Variants in ATRNL1 observed in about 807,000 individuals in gnomAD.
ATRNL1 encodes the protein attractin-like protein 1.
Under a neutral mutation model 182.7 loss-of-function variants are expected in ATRNL1, and 95 were observed. The ratio of observed to expected loss-of-function variants is 0.52; its 90% CI spans 0.44 to 0.62. The LOEUF is 0.62. Ranked by LOEUF, ATRNL1 falls within the 20% of genes least tolerant of loss-of-function variation. The pLI is 0.00. For synonymous variants in ATRNL1, 576 were observed against 568.3 expected (o/e 1.01, Z -0.19); for missense variants, 1,471 against 1,679.5 (o/e 0.88, Z 2.17).
chr10:115,826,202 ATT>A (rs11304130), intron 27 of ATRNL1, among the ~76,000 whole-genome samples: 2 of 151,402 alleles, frequency 1.3e-5, no homozygotes, highest in East Asian at 2.0e-4. Context: ...ATACTATCCC[ATT>A]TTTTTTTCAA....
chr10:115,879,215 G>C (rs1200681581), intron 28 of ATRNL1, among the ~76,000 whole-genome samples: 6 of 149,736 alleles, frequency 4.0e-5, no homozygotes, highest in African/African-American at 1.5e-4. Context: ...GCTGAAGTTA[G>C]AGAATTGCTT....
chr10:115,738,940 C>G (rs1333065173), intron 27 of ATRNL1, among the ~76,000 whole-genome samples: 1 of 151,992 alleles, frequency 6.6e-6, no homozygotes, highest in Non-Finnish European at 1.5e-5. Flanking sequence ...TCAGAATTCA[C>G]TGAGTCAAAA....
intron 27 of ATRNL1, among the ~76,000 whole-genome samples, chr10:115,732,205 G>GT (rs1947819997): frequency 6.6e-6 from 1 of 152,056 alleles, no homozygotes; most frequent in South Asian, 2.1e-4. Context: ...GGATTATATC[G>GT]TAACTTTTTA....
chr10:115,485,653 G>A (rs1347378382), intron 24 of ATRNL1, among the ~76,000 whole-genome samples: 8 of 151,730 alleles, frequency 5.3e-5, no homozygotes, highest in South Asian at 4.2e-4. Context: ...ATCACCCAAC[G>A]TCTTTATTTT....
At chr10:115,329,670 C>A (rs1554934444) in intron 18 of ATRNL1, among the ~76,000 whole-genome samples, 1 of 151,854 alleles carries the variant, frequency 6.6e-6, no homozygotes, top group Non-Finnish European at 1.5e-5. Context: ...TGACTTGAAG[C>A]CTATTTTGTC....
rs564780428 is a variant in ATRNL1, at chr10:115,540,069, G to A, written c.3717-9389G>A. On this transcript the variant is annotated intron_variant, in intron 25 of 28. Coordinates refer to ENST00000355044, the MANE Select transcript of ATRNL1 (RefSeq NM_207303.4). The stretch of plus-strand genomic sequence containing the variant: ...AGTGCAGCACACCAACATGGCACAC[G>A]TATACATATGTAACAAACCTGCACA... Among the ~76,000 whole-genome samples, 818 of 151,654 alleles carry A rather than the reference G, an allele frequency of 5.4e-3. 2 individuals carry two copies. The highest frequency in any genetic ancestry group is 8.1e-3 in the Non-Finnish European group (553 of 67,912).
chr10:115,290,655 C>T (rs977319821), intron 15 of ATRNL1, among the ~76,000 whole-genome samples: 3 of 151,624 alleles, frequency 2.0e-5, no homozygotes, highest in Non-Finnish European at 4.4e-5. Context: ...AAACTGCAGC[C>T]CCCCACCCCC....
intron 19 of ATRNL1, among the ~76,000 whole-genome samples, chr10:115,360,390 T>C (rs1856687585): frequency 6.6e-6 from 1 of 151,740 alleles, no homozygotes; most frequent in Non-Finnish European, 1.5e-5. Context: ...TTCCCCCAAA[T>C]TGCCTTTCTC....
intron 26 of ATRNL1, among the ~76,000 whole-genome samples, chr10:115,613,428 C>A (rs1555019680): frequency 6.6e-6 from 1 of 152,050 alleles, no homozygotes; most frequent in Non-Finnish European, 1.5e-5. Context: ...ATTCGCTTTG[C>A]TAGTATTTCT....
intron 26 of ATRNL1, among the ~76,000 whole-genome samples, chr10:115,703,262 A>C (rs1457120916): frequency 1.3e-5 from 2 of 152,096 alleles, no homozygotes; most frequent in African/African-American, 4.8e-5. Context: ...AATTAATGCA[A>C]GATGAATTAA....
At chr10:115,130,808 A>G (rs572521301) in intron 5 of ATRNL1, among the ~76,000 whole-genome samples, 1 of 152,262 alleles carries the variant, frequency 6.6e-6, no homozygotes, top group African/African-American at 2.4e-5. Flanking sequence ...CCTGAGAAAT[A>G]GAAATATAGC....
chr10:115,244,346 C>G (rs2133825683), intron 10 of ATRNL1, among the ~76,000 whole-genome samples: 1 of 152,176 alleles, frequency 6.6e-6, no homozygotes, highest in Admixed American at 6.5e-5. Context: ...CTTGCCTTCA[C>G]AGTTCCCATT....
chr10:115,162,755 A>G (rs1554883567), intron 6 of ATRNL1, among the ~76,000 whole-genome samples: 1 of 151,058 alleles, frequency 6.6e-6, no homozygotes, highest in Non-Finnish European at 1.5e-5. Context: ...TGTGGGGAAC[A>G]GGGGAAGCCA....
chr10:115,453,720 T>C (rs1235082016), intron 21 of ATRNL1, among the ~76,000 whole-genome samples: 5 of 148,990 alleles, frequency 3.4e-5, no homozygotes, highest in African/African-American at 1.2e-4. Context: ...CACTGCATGT[T>C]CTCACTCATA....
chr10:115,241,456 T>TC, intron 9 of ATRNL1, 115 bp from the exon 10 acceptor site: 1 of 552,968 alleles, frequency 1.8e-6, no homozygotes, highest in Non-Finnish European at 2.9e-6. Context: ...TATGTTTTTT[T>TC]CCCCCACAAT....
chr10:115,760,941 G>T (rs2960720), intron 27 of ATRNL1, among the ~76,000 whole-genome samples: 144,725 of 152,302 alleles, frequency 0.95, 69,179 homozygotes, highest in East Asian at 1. Context: ...TAGGATAGGC[G>T]CAGTCAATAG....
At chr10:115,431,653 A>G (rs1846172485) in intron 21 of ATRNL1, among the ~76,000 whole-genome samples, 2 of 152,074 alleles carry the variant, frequency 1.3e-5, no homozygotes, top group African/African-American at 2.4e-5. Context: ...TTCAAAAATG[A>G]CAGTTTTTGT....
chr10:115,683,529 G>A (rs1404502601), intron 26 of ATRNL1, among the ~76,000 whole-genome samples: 1 of 135,668 alleles, frequency 7.4e-6, no homozygotes, highest in Admixed American at 7.9e-5. Flanking sequence ...AGGTATATGG[G>A]AAGAAGAAGA....
chr10:115,865,166 T>C (rs1348579688), intron 28 of ATRNL1, among the ~76,000 whole-genome samples: 1 of 152,064 alleles, frequency 6.6e-6, no homozygotes, highest in East Asian at 1.9e-4. Context: ...GGACCAAAAA[T>C]AATATATAAC....
Sources: gnomAD v4.1 joint callset for allele counts (sites outside exome capture counted in the v4.1 genomes callset) on GRCh38, gnomAD v4.1.1 for gene constraint, MANE v1.5 for transcripts, NCBI Gene and HGNC (gene_info 2026-07-23, HGNC 2026-07-21) for gene names.